Variants in MSI2 observed in about 807,000 individuals in gnomAD.
MSI2 encodes musashi RNA binding protein 2.
Under a neutral mutation model 45.6 loss-of-function variants are expected in MSI2, and 17 were observed. That is an observed-to-expected ratio of 0.37 (90% confidence interval 0.26 to 0.56). MSI2 has a LOEUF of 0.56. MSI2 is among the 20% of genes least tolerant of loss of function. The pLI, the probability that MSI2 is intolerant of heterozygous loss-of-function variation, is 0.77. For synonymous variants in MSI2, 156 were observed against 158.2 expected, an observed-to-expected ratio of 0.99 and a Z score of 0.11; for missense variants, 293 against 444.2, an observed-to-expected ratio of 0.66 and a Z score of 3.06.
At chr17:57,541,351 A>G (rs140143311) in intron 7 of MSI2, among the ~76,000 whole-genome samples, 9 of 152,328 alleles carry the variant, frequency 5.9e-5, no homozygotes, top group African/African-American at 2.2e-4. Flanking sequence ...TCAACTTGGC[A>G]ATTCAGGGAA....
intron 6 of MSI2, among the ~76,000 whole-genome samples, chr17:57,459,113 C>T (rs1298208694): frequency 6.6e-6 from 1 of 152,124 alleles, no homozygotes; most frequent in Non-Finnish European, 1.5e-5. Context: ...TTGAGTAAAA[C>T]TTGAGTTTAG....
chr17:57,338,381 C>T (rs1222734515), intron 5 of MSI2, among the ~76,000 whole-genome samples: 4 of 152,170 alleles, frequency 2.6e-5, no homozygotes, highest in Admixed American at 2.0e-4. Flanking sequence ...TGAACCACTG[C>T]ACTGGCCTGT....
chr17:57,596,923 T>G lies in MSI2; in HGVS notation c.510T>G (p.Ile170Met). 6.2e-7 allele frequency: 1 copy of G among 1,613,348 alleles called. No individual in the cohort carries two copies. The highest frequency in any genetic ancestry group is 8.5e-7 in the Non-Finnish European group (1 of 1,179,246). The part of the protein sequence containing the change: ...NEDVVEKVCE[I>M]HFHEINNKMV... ...ATGTTGTGGAGAAAGTCTGTGAGAT[T>G]CATTTCCATGAAATCAATAATAAAA... The change falls in exon 8 of 14, where the codon ATT (isoleucine) becomes ATG (methionine). Residue 170 changes from isoleucine (I) to methionine (M), a missense_variant. By Grantham distance (10) the Ile-to-Met change is conservative. Transcript: ENST00000284073. This position sits in a 1 kb window ranked among gnomAD's most constrained non-coding sequence, Gnocchi z 4.6.
chr17:57,394,023 C>T lies in MSI2; in HGVS notation c.313-7356C>T, dbSNP rs186766213. Among the ~76,000 whole-genome samples the T allele has an allele frequency of 2.0e-3, 304 of 152,296 alleles. 1 individual carries two copies. Among genetic ancestry groups the T allele is most frequent in the Non-Finnish European group, 3.4e-3 (231 of 68,042 alleles). ...AATCATTTGTGGAGTTGACAGACAA[C>T]GCTGTGTTTAATCATTTGTGGAGTT... On this transcript the variant is annotated intron_variant, in intron 5 of 13. Coordinates refer to ENST00000284073, the MANE Select transcript of MSI2 (RefSeq NM_138962.4).
At chr17:57,429,725 A>G (rs2084559398) in intron 6 of MSI2, among the ~76,000 whole-genome samples, 1 of 82,502 alleles carries the variant, frequency 1.2e-5, no homozygotes, top group Non-Finnish European at 2.4e-5. Context: ...TTTCACATTG[A>G]TTAGATAATT....
rs55819270 is a variant in MSI2, at chr17:57,529,458, A to G, written c.406-218A>G. 1.9e-3 allele frequency among the ~76,000 whole-genome samples: 286 copies of G among 152,206 alleles called. No homozygotes were observed. The highest frequency in any genetic ancestry group is 6.4e-3 in the African/African-American group (267 of 41,518). ...CTCAAAAAATAAAAAGCAGACACTA[A>G]AGGGAACTATATAAAATGTTAACTG... On this transcript the variant is annotated intron_variant, in intron 6 of 13. Transcript: ENST00000284073. The surrounding 1 kb of genome is among the most constrained non-coding windows in gnomAD (Gnocchi z 5.3).
chr17:57,409,770 G>A (rs543034101), intron 6 of MSI2, among the ~76,000 whole-genome samples: 20 of 152,144 alleles, frequency 1.3e-4, no homozygotes, highest in South Asian at 4.2e-4. Context: ...GCACTTTGGG[G>A]GGCCAAGGCG....
chr17:57,509,195 T>A (rs1555615874), intron 6 of MSI2, among the ~76,000 whole-genome samples: 1 of 152,174 alleles, frequency 6.6e-6, no homozygotes, highest in Non-Finnish European at 1.5e-5. Context: ...TGAAAATAAC[T>A]GCACCGAAGT....
intron 6 of MSI2, among the ~76,000 whole-genome samples, chr17:57,439,144 G>A (rs1428324347): frequency 6.6e-6 from 1 of 152,108 alleles, no homozygotes; most frequent in Non-Finnish European, 1.5e-5. Context: ...CTTTCATTAG[G>A]TTTCTGTTTC....
At chr17:57,562,589 C>A (rs2087605530) in intron 7 of MSI2, among the ~76,000 whole-genome samples, 2 of 152,176 alleles carry the variant, frequency 1.3e-5, no homozygotes, top group Non-Finnish European at 1.5e-5. Context: ...TGTTGGCCAG[C>A]TTTCTGGAGG....
chr17:57,625,131 G>C (rs770464199), intron 9 of MSI2, among the ~76,000 whole-genome samples: 2 of 152,050 alleles, frequency 1.3e-5, no homozygotes, highest in African/African-American at 4.8e-5. Flanking sequence ...ACACCCCAAA[G>C]GCCCCATCTC....
intron 5 of MSI2, among the ~76,000 whole-genome samples, chr17:57,378,352 C>A (rs1356152763): frequency 1.3e-5 from 2 of 152,136 alleles, no homozygotes; most frequent in Non-Finnish European, 2.9e-5. Flanking sequence ...CAACCTCCGC[C>A]TCCCGGGTTG....
chr17:57,507,086 TTTC>T (rs1020472876), intron 6 of MSI2, among the ~76,000 whole-genome samples: 3 of 151,926 alleles, frequency 2.0e-5, no homozygotes, highest in African/African-American at 7.2e-5. Context: ...TAAAAAACCC[TTTC>T]TTATTTCCCT....
At chr17:57,547,300 G>A (rs903079078) in intron 7 of MSI2, among the ~76,000 whole-genome samples, 10 of 152,290 alleles carry the variant, frequency 6.6e-5, no homozygotes, top group African/African-American at 2.4e-4. Context: ...TCAGGAGGAG[G>A]TCAGAAGGGC....
intron 7 of MSI2, among the ~76,000 whole-genome samples, chr17:57,540,276 A>G (rs887411011): frequency 1.3e-5 from 2 of 152,140 alleles, no homozygotes; most frequent in Admixed American, 1.3e-4. Context: ...AATTATTGTT[A>G]TTTTACTACT....
intron 6 of MSI2, among the ~76,000 whole-genome samples, chr17:57,452,100 C>T (rs1486408992): frequency 6.6e-6 from 1 of 152,174 alleles, no homozygotes; most frequent in Non-Finnish European, 1.5e-5. Flanking sequence ...CACCTGTGAC[C>T]ACACCCTCAT....
intron 5 of MSI2, among the ~76,000 whole-genome samples, chr17:57,288,191 T>C (rs1040472173): frequency 5.3e-5 from 8 of 152,314 alleles, no homozygotes; most frequent in Admixed American, 5.2e-4. Flanking sequence ...AAGACTTGTG[T>C]GGCAGCTCTG....
intron 5 of MSI2, among the ~76,000 whole-genome samples, chr17:57,356,294 C>T (rs1916412135): frequency 6.6e-6 from 1 of 152,120 alleles, no homozygotes; most frequent in Non-Finnish European, 1.5e-5. Flanking sequence ...TTTTGGCGGG[C>T]ATGTTTCTTC....
At chr17:57,403,643 A>C (rs2084031758) in intron 6 of MSI2, among the ~76,000 whole-genome samples, 1 of 152,074 alleles carries the variant, frequency 6.6e-6, no homozygotes, top group Non-Finnish European at 1.5e-5. Flanking sequence ...TTTTTCATAC[A>C]TAGGTTCTGT....
Sources: gnomAD v4.1 joint callset for allele counts (sites outside exome capture counted in the v4.1 genomes callset) on GRCh38, gnomAD v4.1.1 for gene constraint, Gnocchi (gnomAD v3.1) non-coding constraint, MANE v1.5 for transcripts, NCBI Gene and HGNC (gene_info 2026-07-23, HGNC 2026-07-21) for gene names.